The following KHDRBS2 variants were observed in gnomAD, a reference collection of about 807,000 sequenced individuals.
The protein encoded by KHDRBS2 is KH RNA binding domain containing, signal transduction associated 2.
Under a neutral mutation model 44.3 loss-of-function variants are expected in KHDRBS2, and 26 were observed. The observed-to-expected ratio is 0.59, with a 90% CI of 0.43 to 0.81. KHDRBS2 has a LOEUF of 0.81. KHDRBS2 is among the 40% of genes least tolerant of loss of function. KHDRBS2 has a pLI of 0.00. For synonymous variants in KHDRBS2, 194 were observed against 151.1 expected, an observed-to-expected ratio of 1.28 and a Z score of -2.08; for missense variants, 476 against 433.1, an observed-to-expected ratio of 1.10 and a Z score of -0.88.
chr6:62,275,617 T>C (rs2150192243), intron 1 of KHDRBS2, among the ~76,000 whole-genome samples: 2 of 152,312 alleles, frequency 1.3e-5, no homozygotes, highest in South Asian at 4.1e-4. Context: ...CTGGAGAAAA[T>C]TATTTTAAAG....
the KHDRBS2 span, among the ~76,000 whole-genome samples, chr6:61,602,038 C>A: frequency 6.6e-6 from 1 of 152,104 alleles, no homozygotes; most frequent in Non-Finnish European, 1.5e-5. Flanking sequence ...TTGGCAGCAA[C>A]CCTGAGATGC....
intron 4 of KHDRBS2, among the ~76,000 whole-genome samples, chr6:61,913,385 G>A (rs2127352967): frequency 6.6e-6 from 1 of 152,112 alleles, no homozygotes; most frequent in South Asian, 2.1e-4. Flanking sequence ...ACTGGGGGCA[G>A]AAAACTGGGT....
intron 6 of KHDRBS2, among the ~76,000 whole-genome samples, chr6:61,889,142 C>T (rs887668550): frequency 2.0e-5 from 3 of 152,094 alleles, no homozygotes; most frequent in African/African-American, 7.2e-5. Context: ...CTTTTATTAA[C>T]AACAATATTC....
At chr6:61,556,568 G>C in the KHDRBS2 span, among the ~76,000 whole-genome samples, 1 of 152,116 alleles carries the variant, frequency 6.6e-6, no homozygotes, top group South Asian at 2.1e-4. Context: ...ACCATAGTTT[G>C]TCAGTTTTTC....
At chr6:62,282,547 T>C (rs190149120) in intron 1 of KHDRBS2, among the ~76,000 whole-genome samples, 19 of 152,260 alleles carry the variant, frequency 1.2e-4, no homozygotes, top group African/African-American at 4.3e-4. Context: ...CAGATCTATG[T>C]CTGTCAGCAG....
the KHDRBS2 span, among the ~76,000 whole-genome samples, chr6:61,564,607 T>C: frequency 2.0e-5 from 3 of 152,044 alleles, no homozygotes; most frequent in Non-Finnish European, 4.4e-5. Flanking sequence ...TCCGAGAGAA[T>C]GAAAAAACAG....
chr6:61,666,468 T>G, the KHDRBS2 span, among the ~76,000 whole-genome samples: 1 of 151,332 alleles, frequency 6.6e-6, no homozygotes, highest in Non-Finnish European at 1.5e-5. Context: ...ATATATATAT[T>G]TGTTTCACAA....
At chr6:61,951,688 T>C (rs1583696357) in intron 4 of KHDRBS2, among the ~76,000 whole-genome samples, 1 of 152,038 alleles carries the variant, frequency 6.6e-6, no homozygotes, top group Admixed American at 6.6e-5. Flanking sequence ...ACAGTGTAAA[T>C]TACTGAACAC....
chr6:61,701,648 A>G (rs1768692359), intron 7 of KHDRBS2, among the ~76,000 whole-genome samples: 1 of 152,024 alleles, frequency 6.6e-6, no homozygotes, highest in Non-Finnish European at 1.5e-5. Context: ...TAACTCCCAG[A>G]AAAGAGAACT....
chr6:61,777,894 G>T (rs1269648476), intron 6 of KHDRBS2, among the ~76,000 whole-genome samples: 6 of 152,022 alleles, frequency 3.9e-5, no homozygotes, highest in Admixed American at 3.9e-4. Flanking sequence ...GTGAAGGTTT[G>T]TTGTAAAGGT....
At chr6:61,957,200 C>G (rs764626928) in intron 4 of KHDRBS2, among the ~76,000 whole-genome samples, 3 of 152,072 alleles carry the variant, frequency 2.0e-5, no homozygotes, top group Non-Finnish European at 4.4e-5. Flanking sequence ...TCTTTGTTAG[C>G]TGAGGAGGAT....
At chr6:61,916,455 G>T (rs1807020843) in intron 4 of KHDRBS2, among the ~76,000 whole-genome samples, 1 of 151,870 alleles carries the variant, frequency 6.6e-6, no homozygotes, top group African/African-American at 2.4e-5. Context: ...TAGAAAAATT[G>T]TCAAGTTCTG....
chr6:62,053,918 ATAAT>A (rs1229039055), intron 2 of KHDRBS2, among the ~76,000 whole-genome samples: 2 of 152,022 alleles, frequency 1.3e-5, no homozygotes, highest in African/African-American at 2.4e-5. Flanking sequence ...CCAGCAGCAT[ATAAT>A]TAGAGAATTT....
rs758892411 is a variant in KHDRBS2 at position 62,177,221 on chromosome 6, T to G, written c.183A>C (p.Ser61=). Residue 61 remains serine (S), a synonymous_variant, in exon 2 of 9, where the codon TCA becomes TCC. Transcript: ENST00000281156. ...GCTTGACAGGAATCAGTACTCTTTC[T>G]GAGAGCTTTATGTTTTTGTTGCTGA... ...DVISNKNIKL[S]ERVLIPVKQY... The G allele has an allele frequency of 6.3e-7, 1 of 1,593,992 alleles. No individual in the cohort carries two copies. Among genetic ancestry groups the G allele is most frequent in the Non-Finnish European group, 8.6e-7 (1 of 1,163,674 alleles).
intron 6 of KHDRBS2, among the ~76,000 whole-genome samples, chr6:61,846,857 A>G (rs1158363469): frequency 6.6e-6 from 1 of 152,044 alleles, no homozygotes; most frequent in Admixed American, 6.6e-5. Context: ...AGTGCAACAC[A>G]TCTTAAAAAT....
intron 3 of KHDRBS2, among the ~76,000 whole-genome samples, chr6:62,030,697 T>G (rs553504866): frequency 1.3e-5 from 2 of 152,070 alleles, no homozygotes; most frequent in Non-Finnish European, 1.5e-5. Flanking sequence ...CTTTCTAACT[T>G]TCTAAAAAAT....
intron 6 of KHDRBS2, among the ~76,000 whole-genome samples, chr6:61,893,930 C>G (rs1802458797): frequency 6.6e-6 from 1 of 151,894 alleles, no homozygotes; most frequent in South Asian, 2.1e-4. Flanking sequence ...AGAAGACTTC[C>G]TATTGTTACA....
chr6:61,907,348 T>G (rs1037486830), intron 4 of KHDRBS2, among the ~76,000 whole-genome samples: 8 of 151,946 alleles, frequency 5.3e-5, no homozygotes, highest in Non-Finnish European at 8.8e-5. Context: ...TCTTCCATTC[T>G]GTGTATTGTC....
intron 2 of KHDRBS2, among the ~76,000 whole-genome samples, chr6:62,136,685 T>C (rs1811599185): frequency 6.6e-6 from 1 of 152,188 alleles, no homozygotes; most frequent in Non-Finnish European, 1.5e-5. Context: ...TGCTAAAATG[T>C]CAGTGAGAAG....
Sources: allele counts gnomAD v4.1 joint callset (sites outside exome capture counted in the v4.1 genomes callset), GRCh38; gene constraint gnomAD v4.1.1; transcripts MANE v1.5; gene names NCBI Gene and HGNC (gene_info 2026-07-23, HGNC 2026-07-21).